Variants in COL5A2 observed in about 807,000 individuals in gnomAD.
COL5A2 encodes collagen alpha-2(V) chain.
Under a neutral mutation model 208.2 loss-of-function variants are expected in COL5A2, and 23 were observed. The observed-to-expected ratio is 0.11, with a 90% CI of 0.08 to 0.16. The LOEUF (loss-of-function observed/expected upper bound fraction) is 0.16. Among genes scored for constraint, COL5A2 ranks in the 10% least tolerant of loss-of-function variants. The pLI is 1.00. For synonymous variants in COL5A2, 625 were observed against 628.5 expected (o/e 0.99, Z 0.08); for missense variants, 1,590 against 1,956.4 (o/e 0.81, Z 3.53).
intron 29 of COL5A2, among the ~76,000 whole-genome samples, chr2:189,061,821 A>G (rs1403316040): frequency 6.6e-6 from 1 of 152,218 alleles, no homozygotes; most frequent in Non-Finnish European, 1.5e-5. Flanking sequence ...TTCTAAAGCC[A>G]GTAACTGATA....
intron 1 of COL5A2, among the ~76,000 whole-genome samples, chr2:189,152,342 T>C (rs376521916): frequency 6.6e-6 from 1 of 152,220 alleles, no homozygotes; most frequent in Non-Finnish European, 1.5e-5. Flanking sequence ...CAAGTTATGA[T>C]ACCAAAGAGT....
At chr2:189,079,507 T>C (rs1212169244) in intron 14 of COL5A2, among the ~76,000 whole-genome samples, 3 of 152,128 alleles carry the variant, frequency 2.0e-5, no homozygotes, top group African/African-American at 7.2e-5. Flanking sequence ...TTTTCCACAT[T>C]AGGTCATGAT....
intron 1 of COL5A2, among the ~76,000 whole-genome samples, chr2:189,113,495 T>G (rs1687323661): frequency 6.6e-6 from 1 of 151,304 alleles, no homozygotes; most frequent in Non-Finnish European, 1.5e-5. Flanking sequence ...TATATATTAT[T>G]GTGGAGTATT....
At chr2:189,391,854 C>T in the COL5A2 span, among the ~76,000 whole-genome samples, 3 of 151,842 alleles carry the variant, frequency 2.0e-5, no homozygotes, top group Non-Finnish European at 2.9e-5. Flanking sequence ...ACTTATTGGC[C>T]CTTAGTTCTT....
the COL5A2 span, among the ~76,000 whole-genome samples, chr2:189,247,689 C>T: frequency 2.0e-5 from 3 of 151,690 alleles, no homozygotes; most frequent in Admixed American, 2.0e-4. Context: ...AAGTGATTCT[C>T]ATGCTTCAGC....
chr2:189,397,738 T>C, the COL5A2 span, among the ~76,000 whole-genome samples: 1 of 152,060 alleles, frequency 6.6e-6, no homozygotes, highest in Admixed American at 6.5e-5. Context: ...TTATCAAACT[T>C]ATTACTCTTC....
intron 45 of COL5A2, among the ~76,000 whole-genome samples, chr2:189,046,324 G>T (rs1685666380): frequency 6.6e-6 from 1 of 152,080 alleles, no homozygotes; most frequent in South Asian, 2.1e-4. Context: ...CTCTCCTTAT[G>T]TATTCTTTCA....
chr2:189,097,583 C>A, intron 5 of COL5A2: 2 of 654,300 alleles, frequency 3.1e-6, no homozygotes, highest in Admixed American at 2.1e-5. Flanking sequence ...GCATAGTGAG[C>A]TAAATAGATT....
the COL5A2 span, among the ~76,000 whole-genome samples, chr2:189,382,620 T>C: frequency 6.6e-6 from 1 of 152,194 alleles, no homozygotes; most frequent in African/African-American, 2.4e-5. Flanking sequence ...AGAGACCACC[T>C]GAGCAGGCTT....
intron 52 of COL5A2, 125 bp from the exon 53 acceptor site, chr2:189,035,280 T>C: frequency 7.8e-7 from 1 of 1,275,718 alleles, no homozygotes; most frequent in Non-Finnish European, 1.1e-6. Flanking sequence ...ACTTTAATTC[T>C]TGTCATAAAG....
rs1685413023 is a variant in COL5A2 at position 189,034,920 on chromosome 2, C to A, written c.4349G>T (p.Cys1450Phe). 1 of 1,613,782 alleles carries A rather than the reference C, an allele frequency of 6.2e-7. No individual in the cohort carries two copies. The highest frequency in any genetic ancestry group is 8.5e-7 in the Non-Finnish European group (1 of 1,179,838). ...RFRYIVLQDT[C>F]SKRNGNVGKT... ...TGTAGATCAAAAAGTACTTACAGAGCAAGTGTCTTGAAGAACGATATACCG... is the reference window on the plus strand; with the variant it reads ...TGTAGATCAAAAAGTACTTACAGAGAAAGTGTCTTGAAGAACGATATACCG... Residue 1450 changes from cysteine (C) to phenylalanine (F), a missense_variant, in exon 53 of 54, where the codon TGC becomes TTC. By Grantham distance (205) the Cys-to-Phe change is radical (BLOSUM62 -2). Coordinates refer to ENST00000374866, the MANE Select transcript of COL5A2 (RefSeq NM_000393.5).
At chr2:189,152,325 C>T (rs975951951) in intron 1 of COL5A2, among the ~76,000 whole-genome samples, 5 of 152,264 alleles carry the variant, frequency 3.3e-5, no homozygotes, top group South Asian at 2.1e-4. Flanking sequence ...CCATGCCTTC[C>T]GGGCTACAAG....
chr2:189,142,726 ACTT>A (rs1242029715), intron 1 of COL5A2, among the ~76,000 whole-genome samples: 2 of 152,032 alleles, frequency 1.3e-5, no homozygotes, highest in African/African-American at 4.8e-5. Context: ...AGCTATCGAA[ACTT>A]CTTCTTAAAT....
chr2:189,172,189 C>T (rs577397728), intron 1 of COL5A2, among the ~76,000 whole-genome samples: 1 of 152,238 alleles, frequency 6.6e-6, no homozygotes, highest in African/African-American at 2.4e-5. Context: ...TAGACACAGG[C>T]TGTGGGAGAG....
chr2:189,224,915 A>G (rs1409237448), intron 1 of COL5A2, among the ~76,000 whole-genome samples: 1 of 152,122 alleles, frequency 6.6e-6, no homozygotes, highest in Non-Finnish European at 1.5e-5. Context: ...ATTCTTAAAA[A>G]CCAATTAAAA....
chr2:189,401,582 G>T, the COL5A2 span, among the ~76,000 whole-genome samples: 1 of 152,146 alleles, frequency 6.6e-6, no homozygotes, highest in Non-Finnish European at 1.5e-5. Flanking sequence ...CATATACCCA[G>T]TAATGGGTTG....
rs768322852 is a variant in COL5A2 at position 189,064,559 on chromosome 2, G to A, written c.1714C>T (p.Arg572Trp). Reference sequence around the variant, plus strand: ...GCAAACACTTGCTATATTCTTACCCGAGCACCTGGAAGCCCAGGTTCCCCT... The same window carrying A: ...GCAAACACTTGCTATATTCTTACCCAAGCACCTGGAAGCCCAGGTTCCCCT... ...RPGEPGLPGA[R>W]GLTGNPGVQG... Residue 572 changes from arginine (R) to tryptophan (W), a missense_variant and splice_region_variant, in exon 25 of 54, where the codon CGG becomes TGG. Coordinates refer to ENST00000374866, the MANE Select transcript of COL5A2 (RefSeq NM_000393.5). 5.0e-6 allele frequency: 8 copies of A among 1,612,204 alleles called. No individual in the cohort carries two copies. Among genetic ancestry groups the A allele is most frequent in the East Asian group, 2.2e-5 (1 of 44,840 alleles).
the COL5A2 span, among the ~76,000 whole-genome samples, chr2:189,274,008 C>CAA: frequency 0.15 from 21,040 of 143,842 alleles, 1,808 homozygotes; most frequent in South Asian, 0.21. Context: ...ATTCTTACCA[C>CAA]AAAAAAAAAA....
chr2:189,275,607 C>T, the COL5A2 span, among the ~76,000 whole-genome samples: 4 of 152,012 alleles, frequency 2.6e-5, no homozygotes, highest in Non-Finnish European at 5.9e-5. Flanking sequence ...GCACGCGCCA[C>T]CACCCTGGCT....
Sources: gnomAD v4.1 joint callset for allele counts (sites outside exome capture counted in the v4.1 genomes callset) on GRCh38, gnomAD v4.1.1 for gene constraint, MANE v1.5 for transcripts, NCBI Gene and HGNC (gene_info 2026-07-23, HGNC 2026-07-21) for gene names.